Variants in ZC3H12B observed in about 807,000 individuals in gnomAD.
The protein encoded by ZC3H12B is probable ribonuclease ZC3H12B.
In ZC3H12B, 7 loss-of-function variants were observed where a neutral mutation model predicts 43.9. The observed-to-expected ratio is 0.16, with a 90% CI of 0.09 to 0.30. The LOEUF is 0.30. ZC3H12B is among the 10% of genes least tolerant of loss of function. ZC3H12B has a pLI of 1.00. For synonymous variants in ZC3H12B, 222 were observed against 241.7 expected (o/e 0.92, Z 0.76); for missense variants, 475 against 670.2 (o/e 0.71, Z 3.22).
the ZC3H12B span, among the ~76,000 whole-genome samples, chrX:65,297,218 G>A: frequency 7.2e-5 from 8 of 110,431 alleles, no homozygotes; most frequent in African/African-American, 9.9e-5. Context: ...GTCACTTTTC[G>A]CCAATAATAT....
chrX:65,403,424 A>ATTC (rs1170262735), intron 3 of ZC3H12B, among the ~76,000 whole-genome samples: 1 of 112,036 alleles, frequency 8.9e-6, no homozygotes, highest in Non-Finnish European at 1.9e-5. Context: ...ACAGGATAAT[A>ATTC]AAAGAGATAT....
the ZC3H12B span, among the ~76,000 whole-genome samples, chrX:65,115,421 T>C: frequency 9.0e-6 from 1 of 111,679 alleles, no homozygotes; most frequent in African/African-American, 3.2e-5. Context: ...TTCAATGGTA[T>C]ATATTTACCA....
At chrX:65,450,316 T>A (rs773981366) in intron 3 of ZC3H12B, among the ~76,000 whole-genome samples, 189 of 86,482 alleles carry the variant, frequency 2.2e-3, no homozygotes, top group African/African-American at 7.1e-3. Flanking sequence ...AAAAAAAATA[T>A]ATATATATAT....
At chrX:65,478,205 T>G (rs2068020409) in intron 3 of ZC3H12B, among the ~76,000 whole-genome samples, 1 of 111,857 alleles carries the variant, frequency 8.9e-6, no homozygotes, top group Admixed American at 9.5e-5. Flanking sequence ...GGACAGTATT[T>G]TAAAAATATT....
the ZC3H12B span, among the ~76,000 whole-genome samples, chrX:65,196,830 C>T: frequency 1.8e-5 from 2 of 111,465 alleles, no homozygotes; most frequent in Non-Finnish European, 3.8e-5. Flanking sequence ...TTTACCGGAG[C>T]CTCCTCCTCC....
chrX:65,119,942 A>G, the ZC3H12B span, among the ~76,000 whole-genome samples: 12 of 111,778 alleles, frequency 1.1e-4, no homozygotes, highest in African/African-American at 3.6e-4. Flanking sequence ...GGTTTGTCAA[A>G]GATCAGATGG....
chrX:65,192,187 C>A, the ZC3H12B span, among the ~76,000 whole-genome samples: 68 of 109,544 alleles, frequency 6.2e-4, no homozygotes, highest in African/African-American at 2.0e-3. Context: ...AATTTCTGTT[C>A]TTTTACATTT....
chrX:65,302,439 G>C, the ZC3H12B span, among the ~76,000 whole-genome samples: 4 of 111,142 alleles, frequency 3.6e-5, no homozygotes, highest in Non-Finnish European at 5.7e-5. Context: ...TAAAATGCTT[G>C]GGTACAGATA....
upstream of ZC3H12B, among the ~76,000 whole-genome samples, chrX:65,363,969 C>T (rs1189386984): frequency 1.8e-5 from 2 of 111,113 alleles, no homozygotes; most frequent in Non-Finnish European, 3.8e-5. Context: ...ATTCGGCCTC[C>T]CACATTATTC....
At chrX:65,151,565 C>G in the ZC3H12B span, among the ~76,000 whole-genome samples, 1 of 111,781 alleles carries the variant, frequency 8.9e-6, no homozygotes, top group Non-Finnish European at 1.9e-5. Flanking sequence ...TCTAGCAATT[C>G]CCCTAATCTT....
chrX:65,152,766 C>T, the ZC3H12B span, among the ~76,000 whole-genome samples: 1 of 111,704 alleles, frequency 9.0e-6, no homozygotes, highest in Admixed American at 9.6e-5. Flanking sequence ...AAAGAGCCCG[C>T]ATTGCCAAGT....
intron 3 of ZC3H12B, among the ~76,000 whole-genome samples, chrX:65,433,812 C>G (rs1476462121): frequency 8.9e-6 from 1 of 111,746 alleles, no homozygotes; most frequent in Non-Finnish European, 1.9e-5. Context: ...GAGGAGCTGG[C>G]CTACCCTTCA....
chrX:65,280,890 A>G, the ZC3H12B span, among the ~76,000 whole-genome samples: 1 of 112,311 alleles, frequency 8.9e-6, no homozygotes. Context: ...AAGATTATAC[A>G]AACAAATGGA....
the ZC3H12B span, among the ~76,000 whole-genome samples, chrX:65,257,604 T>TA: frequency 2.6e-4 from 28 of 107,743 alleles, no homozygotes; most frequent in African/African-American, 8.8e-4. Flanking sequence ...AGTATAATAA[T>TA]AAAAAAAGAG....
intron 2 of ZC3H12B, among the ~76,000 whole-genome samples, chrX:65,376,842 T>C (rs540801032): frequency 2.4e-4 from 26 of 110,598 alleles, no homozygotes; most frequent in African/African-American, 8.2e-4. Flanking sequence ...AATAAATATG[T>C]AACTTTTCAA....
chrX:65,489,249 A>G (rs2068171081), exon 1 of ZC3H12B: 1 of 1,209,835 alleles, frequency 8.3e-7, no homozygotes, highest in South Asian at 1.8e-5. Flanking sequence ...CAGACTTGGG[A>G]ACAAAGGTGA....
intron 3 of ZC3H12B, chrX:65,469,333 A>G: frequency 2.7e-6 from 1 of 377,155 alleles, no homozygotes; most frequent in Non-Finnish European, 5.0e-6. Context: ...GATGTTATAG[A>G]GTCTGCCAAC....
chrX:65,234,084 G>A, the ZC3H12B span, among the ~76,000 whole-genome samples: 1 of 111,104 alleles, frequency 9.0e-6, no homozygotes, highest in Admixed American at 9.6e-5. Flanking sequence ...AAAACTGCAG[G>A]CCAAGATCTC....
At chrX:65,062,861 G>C in the ZC3H12B span, among the ~76,000 whole-genome samples, 1 of 111,656 alleles carries the variant, frequency 9.0e-6, no homozygotes, top group Non-Finnish European at 1.9e-5. Context: ...AGTTCTCCTT[G>C]AAGAAGTCCT....
Sources: allele counts gnomAD v4.1 joint callset (sites outside exome capture counted in the v4.1 genomes callset), GRCh38; gene constraint gnomAD v4.1.1; transcripts MANE v1.5; gene names NCBI Gene and HGNC (gene_info 2026-07-23, HGNC 2026-07-21).